The following SEZ6 variants were observed in gnomAD, a reference collection of about 807,000 sequenced individuals.
SEZ6 encodes the protein seizure protein 6 homolog.
SEZ6 carries 53 observed loss-of-function variants against 101.0 expected under a neutral mutation model. That is an observed-to-expected ratio of 0.52 (90% CI 0.42 to 0.66). The LOEUF (loss-of-function observed/expected upper bound fraction) is 0.66. Ranked by LOEUF, SEZ6 falls within the 30% of genes least tolerant of loss-of-function variation. The pLI is 0.00. For synonymous variants in SEZ6, 488 were observed against 512.2 expected (o/e 0.95, Z 0.64); for missense variants, 1,102 against 1,289.4 (o/e 0.85, Z 2.23).
chr17:28,966,768 G>T (rs1359523946), intron 4 of SEZ6, among the ~76,000 whole-genome samples: 3 of 152,034 alleles, frequency 2.0e-5, no homozygotes, highest in Non-Finnish European at 4.4e-5. Context: ...AAAAGAAAAA[G>T]AAAAAGAAAA....
chr17:28,962,760 G>A, intron 5 of SEZ6, among the ~76,000 whole-genome samples: 1 of 142,276 alleles, frequency 7.0e-6, no homozygotes, highest in Admixed American at 7.3e-5. Context: ...CAGCCTGGGT[G>A]ACAGAGGGAG....
intron 3 of SEZ6, among the ~76,000 whole-genome samples, chr17:28,976,247 G>A (rs930255051): frequency 9.8e-5 from 15 of 152,346 alleles, no homozygotes; most frequent in South Asian, 4.1e-4. Flanking sequence ...TCCAAGCCAT[G>A]GAGAATAGGG....
At chr17:28,968,208 T>G in intron 4 of SEZ6, among the ~76,000 whole-genome samples, 1 of 152,214 alleles carries the variant, frequency 6.6e-6, no homozygotes, top group East Asian at 1.9e-4. Flanking sequence ...TGTTCCCATC[T>G]CTGGGATCAG....
rs772910287 is a variant in SEZ6 at position 28,981,564 on chromosome 17, G to C, written c.531C>G (p.Pro177=). The change falls in exon 2 of 17, where the codon CCC becomes CCG. Residue 177 remains proline, a synonymous_variant. Transcript: ENST00000317338. Reference sequence around the variant, plus strand: ...CTTGGGTTGGTGTCCAGGCTCTGCTGGGGGGTGTAGTGCTGGCTATCTCCC... The same window carrying C: ...CTTGGGTTGGTGTCCAGGCTCTGCTCGGGGGTGTAGTGCTGGCTATCTCCC... ...GPGEIASTTP[P]SRAWTPTQEG... is the part of the protein sequence containing the mutation. 7 of 1,611,536 alleles carry C rather than the reference G, an allele frequency of 4.3e-6. No homozygotes were observed. Among genetic ancestry groups the C allele is most frequent in the Non-Finnish European group, 5.9e-6 (7 of 1,178,736 alleles).
intron 3 of SEZ6, among the ~76,000 whole-genome samples, chr17:28,971,119 C>G (rs933293817): frequency 6.6e-6 from 1 of 152,226 alleles, no homozygotes; most frequent in African/African-American, 2.4e-5. Flanking sequence ...AGAAGGAACA[C>G]TGGATTGATT....
In SEZ6 at chr17:28,976,199, G is replaced by A. The variant is rs537679195; in HGVS notation, c.858+3481C>T. Among the ~76,000 whole-genome samples the A allele has an allele frequency of 1.1e-4, 16 of 152,352 alleles. No homozygotes were observed. The Middle Eastern group carries it at 0.01, about 97-fold the overall frequency. On this transcript the variant is annotated intron_variant, in intron 3 of 16. Coordinates refer to ENST00000317338, the MANE Select transcript of SEZ6 (RefSeq NM_178860.5). Reference sequence around the variant, plus strand: ...TAACTGCAGCACCATCAAAGGAGGTGGGAGGCAGGAGATGAAGCAGGTTAT... The same window carrying A: ...TAACTGCAGCACCATCAAAGGAGGTAGGAGGCAGGAGATGAAGCAGGTTAT...
rs774033475 is a variant in SEZ6, at chr17:28,957,202, C to A, written c.2535G>T (p.Glu845Asp). The A allele has an allele frequency of 6.2e-7, 1 of 1,614,036 alleles. No individual in the cohort carries two copies. Among genetic ancestry groups the A allele is most frequent in the Non-Finnish European group, 8.5e-7 (1 of 1,179,886 alleles). ...GCTTCTCAGGACTTCGGGCACCATT[C>A]TCAGGGGCACTGAGACCATGGCATG... ...LKPCHGLSAP[E>D]NGARSPEKQL... is the part of the protein sequence containing the mutation. The change falls in exon 13 of 17, where the codon GAG becomes GAT. Residue 845 changes from glutamate (E) to aspartate (D), a missense_variant. Glu to Asp is a conservative substitution (Grantham distance 45, BLOSUM62 2). Around this residue, in one of 3 missense-constraint regions of SEZ6, gnomAD observed 556 missense variants for 735.1 expected, o/e 0.76. Coordinates refer to ENST00000317338, the MANE Select transcript of SEZ6 (RefSeq NM_178860.5).
intron 1 of SEZ6, among the ~76,000 whole-genome samples, chr17:28,997,227 G>A (rs536066350): frequency 6.6e-4 from 101 of 152,242 alleles, no homozygotes; most frequent in African/African-American, 2.3e-3. Context: ...TCGTGCATGC[G>A]TTGTTTGATC....
At chr17:28,979,898 T>A in intron 2 of SEZ6, 85 bp from the exon 3 acceptor site, 1 of 1,271,130 alleles carries the variant, frequency 7.9e-7, no homozygotes, top group East Asian at 2.6e-5. Context: ...TGTGTGTGTG[T>A]GTGTGTGTGT....
chr17:28,978,713 T>A (rs2041258185), intron 3 of SEZ6, among the ~76,000 whole-genome samples: 1 of 151,918 alleles, frequency 6.6e-6, no homozygotes, highest in Non-Finnish European at 1.5e-5. Flanking sequence ...TAGAGAGGTG[T>A]AGGGGGCAGG....
chr17:28,986,522 G>A (rs1325487564), intron 1 of SEZ6, among the ~76,000 whole-genome samples: 7 of 152,226 alleles, frequency 4.6e-5, no homozygotes, highest in Admixed American at 4.6e-4. Context: ...CTTATAGATG[G>A]GGAAACCGAG....
chr17:29,006,075 C>A, upstream of SEZ6: 1 of 354,096 alleles, frequency 2.8e-6, no homozygotes, highest in Non-Finnish European at 4.9e-6. Flanking sequence ...CCGAGCGGGG[C>A]TGGGGGCGGG....
At chr17:28,989,106 C>T (rs971699760) in intron 1 of SEZ6, among the ~76,000 whole-genome samples, 2 of 152,170 alleles carry the variant, frequency 1.3e-5, no homozygotes, top group African/African-American at 4.8e-5. Flanking sequence ...AGCTAGGAGT[C>T]AGGCCATGCT....
intron 3 of SEZ6, among the ~76,000 whole-genome samples, chr17:28,971,181 A>G (rs889165029): frequency 1.3e-5 from 2 of 152,234 alleles, no homozygotes; most frequent in Non-Finnish European, 2.9e-5. Flanking sequence ...TTGGACAAAT[A>G]TGCTGCTATT....
At chr17:28,966,544 A>G (rs575809228) in intron 4 of SEZ6, among the ~76,000 whole-genome samples, 4 of 152,266 alleles carry the variant, frequency 2.6e-5, no homozygotes, top group African/African-American at 9.6e-5. Flanking sequence ...GGAGGGGTCA[A>G]GGAGAGGCTG....
chr17:28,959,481 C>T lies in SEZ6; in HGVS notation c.1772-9G>A. On this transcript the variant is annotated splice_polypyrimidine_tract_variant and intron_variant, in intron 8 of 16. Transcript: ENST00000317338. The surrounding 1 kb of genome is among the most constrained non-coding windows in gnomAD (Gnocchi z 4.4). ...CTCCCCGCTGCACACGGCTGGAAGG[C>T]AGAGGAGGCCCAGAAGGGTCTTTTC... 3 of 1,611,400 alleles carry T rather than the reference C, an allele frequency of 1.9e-6. No individual in the cohort carries two copies. The highest frequency in any genetic ancestry group is 2.5e-6 in the Non-Finnish European group (3 of 1,179,432).
intron 1 of SEZ6, among the ~76,000 whole-genome samples, chr17:29,004,587 G>A (rs938938355): frequency 6.6e-6 from 1 of 152,178 alleles, no homozygotes; most frequent in Non-Finnish European, 1.5e-5. Context: ...ACTGCCGTCC[G>A]GGGGCCCAGC....
At position 28,989,050 on chromosome 17, in the gene SEZ6, GT is replaced by G. The variant is rs1231677284; in HGVS notation, c.56-7012del. 3.9e-5 allele frequency among the ~76,000 whole-genome samples: 6 copies of G among 152,260 alleles called. No individual in the cohort carries two copies. The East Asian group carries it at 1.2e-3, about 29-fold the overall frequency. ...GGGCTTTGGCATCTCCAGAGTTGGG[GT>G]CTCACTGTCACATGGAGGGAGCATG... On this transcript the variant is annotated intron_variant, in intron 1 of 16. Transcript: ENST00000317338.
rs1238477358 is a variant in SEZ6 at position 28,975,530 on chromosome 17, T to C, written c.858+4150A>G. 3.9e-5 allele frequency among the ~76,000 whole-genome samples: 6 copies of C among 152,200 alleles called. No individual in the cohort carries two copies. In the South Asian group the frequency reaches 1.0e-3, roughly 26 times the overall value. On this transcript the variant is annotated intron_variant, in intron 3 of 16. Coordinates refer to ENST00000317338, the MANE Select transcript of SEZ6 (RefSeq NM_178860.5). ...CTGTGCCCTTCTGAATTGGCACTTA[T>C]CCAGAAAACCTTATGGGGTAAGATC...
Sources: allele counts gnomAD v4.1 joint callset (sites outside exome capture counted in the v4.1 genomes callset), GRCh38; gene constraint gnomAD v4.1.1; regional missense constraint gnomAD v4.1.1; non-coding constraint Gnocchi (gnomAD v3.1); transcripts MANE v1.5; gene names NCBI Gene and HGNC (gene_info 2026-07-23, HGNC 2026-07-21).